PUDP: variants seen among roughly 807,000 people sequenced by gnomAD.
The protein encoded by PUDP is pseudouridine-5'-phosphatase.
PUDP carries 8 observed loss-of-function variants against 9.4 expected under a neutral mutation model. The observed-to-expected ratio is 0.85, with a 90% CI of 0.50 to 1.53. The LOEUF is 1.53. PUDP is among the 40% of genes most tolerant of loss of function. The pLI is 0.00. For missense variants in PUDP, 188 were observed against 189.7 expected, an observed-to-expected ratio of 0.99 and a Z score of 0.05; for synonymous variants, 99 against 80.7, an observed-to-expected ratio of 1.23 and a Z score of -1.22.
intron 1 of PUDP, among the ~76,000 whole-genome samples, chrX:6,990,938 T>C (rs972073908): frequency 2.7e-5 from 3 of 112,557 alleles, no homozygotes; most frequent in African/African-American, 9.7e-5. Context: ...AGATGGAAAG[T>C]GCCTACTGGC....
chrX:7,059,491 C>A (rs750657296), intron 3 of PUDP, among the ~76,000 whole-genome samples: 3 of 111,793 alleles, frequency 2.7e-5, no homozygotes, highest in Non-Finnish European at 5.6e-5. Context: ...ATTCATCTTA[C>A]GTAGCCTTCT....
chrX:6,759,564 C>T (rs1925206237), intron 3 of PUDP, among the ~76,000 whole-genome samples: 1 of 111,326 alleles, frequency 9.0e-6, no homozygotes, highest in Admixed American at 9.5e-5. Flanking sequence ...AGCACCTCTC[C>T]CCAAGTAGTG....
intron 1 of PUDP, among the ~76,000 whole-genome samples, chrX:7,117,535 C>A (rs1181596069): frequency 8.9e-6 from 1 of 112,732 alleles, no homozygotes; most frequent in African/African-American, 3.2e-5. Flanking sequence ...CTTCTTCTAA[C>A]AGACTACGCT....
intron 3 of PUDP, among the ~76,000 whole-genome samples, chrX:6,972,591 C>T (rs1928893495): frequency 8.9e-6 from 1 of 112,051 alleles, no homozygotes; most frequent in African/African-American, 3.2e-5. Context: ...TTTTGATGTG[C>T]TGCTGGATTC....
At position 7,130,505 on chromosome X, in the gene PUDP, A is replaced by G. The variant is rs767233431; in HGVS notation, c.61+17548T>C. Among the ~76,000 whole-genome samples the G allele has an allele frequency of 3.6e-5, 4 of 111,293 alleles. No individual in the cohort carries two copies. The East Asian group carries it at 1.1e-3, about 31-fold the overall frequency. Reference sequence around the variant, plus strand: ...GTATTCTCTCTGAGGAAGGGGACTTAGAAATAAGTTTAAAATGGCTTCCAG... The same window carrying G: ...GTATTCTCTCTGAGGAAGGGGACTTGGAAATAAGTTTAAAATGGCTTCCAG... On this transcript the variant is annotated intron_variant, in intron 1 of 3. Transcript: ENST00000381077.
At chrX:7,117,108 C>A (rs1171512643) in intron 1 of PUDP, 1 of 1,135,620 alleles carries the variant, frequency 8.8e-7, no homozygotes. Context: ...TAAGGCAATG[C>A]AAGCACGGCC....
At chrX:7,138,908 T>TCC (rs1555938964) in intron 1 of PUDP, among the ~76,000 whole-genome samples, 1 of 111,415 alleles carries the variant, frequency 9.0e-6, no homozygotes, top group East Asian at 2.9e-4. Context: ...AAGATCTTTT[T>TCC]TAATACAGTC....
At chrX:7,018,566 T>C (rs1929584329) in intron 1 of PUDP, among the ~76,000 whole-genome samples, 1 of 112,238 alleles carries the variant, frequency 8.9e-6, no homozygotes, top group Admixed American at 9.4e-5. Context: ...GATCAGGCCA[T>C]GTGTTTTTCA....
intron 3 of PUDP, among the ~76,000 whole-genome samples, chrX:6,887,770 G>A (rs780903163): frequency 5.4e-5 from 6 of 111,711 alleles, no homozygotes; most frequent in Non-Finnish European, 1.1e-4. Context: ...TCACTCCATG[G>A]CCAAGACTTC....
intron 3 of PUDP, among the ~76,000 whole-genome samples, chrX:6,840,757 C>A (rs1194739607): frequency 2.9e-5 from 3 of 104,242 alleles, no homozygotes; most frequent in Non-Finnish European, 3.9e-5. Flanking sequence ...CTCTGGGTGA[C>A]AATGATGTGT....
At chrX:7,076,728 CAAA>C (rs1033552892) in intron 3 of PUDP, among the ~76,000 whole-genome samples, 1 of 111,947 alleles carries the variant, frequency 8.9e-6, no homozygotes, top group Non-Finnish European at 1.9e-5. Flanking sequence ...GATGGAAGTC[CAAA>C]AACTTGGCGA....
chrX:6,799,932 C>A (rs185823967), intron 3 of PUDP, among the ~76,000 whole-genome samples: 4 of 112,193 alleles, frequency 3.6e-5, no homozygotes, highest in African/African-American at 1.3e-4. Flanking sequence ...TGGTAACTAA[C>A]CCAGTATAAA....
At position 7,038,046 on chromosome X, in the gene PUDP, C is replaced by G. The variant is rs780392150; in HGVS notation, c.204+39174G>C. Among the ~76,000 whole-genome samples the G allele has an allele frequency of 3.6e-5, 4 of 111,938 alleles. No individual in the cohort carries two copies. The South Asian group carries it at 1.5e-3, about 42-fold the overall frequency. ...TAGCCATCATTTTTTTTCTTTAATC[C>G]AAAACAATTAGATTGCTTATATAGA... On this transcript the variant is annotated intron_variant and NMD_transcript_variant, in intron 1 of 3. Transcript: ENST00000655425.
intron 3 of PUDP, among the ~76,000 whole-genome samples, chrX:6,914,407 G>C (rs1256679321): frequency 9.0e-6 from 1 of 111,372 alleles, no homozygotes; most frequent in Non-Finnish European, 1.9e-5. Flanking sequence ...GATTCGCCCT[G>C]GGAAGTGCTT....
chrX:6,989,867 G>A (rs1373527271), intron 1 of PUDP: 1 of 111,698 alleles, frequency 9.0e-6, no homozygotes, highest in Non-Finnish European at 1.9e-5. Flanking sequence ...GTTGACATAA[G>A]GTAGAGCACT....
At chrX:7,064,178 G>C (rs1363866953) in intron 3 of PUDP, among the ~76,000 whole-genome samples, 1 of 111,363 alleles carries the variant, frequency 9.0e-6, no homozygotes, top group Admixed American at 9.5e-5. Flanking sequence ...AGAACAGAAC[G>C]TGAACAGAAG....
chrX:6,980,009 C>A (rs930973323), intron 1 of PUDP, among the ~76,000 whole-genome samples: 2 of 110,438 alleles, frequency 1.8e-5, no homozygotes, highest in Non-Finnish European at 3.8e-5. Context: ...AGATTGCAAA[C>A]CCAGATCATG....
intron 3 of PUDP, among the ~76,000 whole-genome samples, chrX:6,770,186 G>A (rs112867763): frequency 8.9e-6 from 1 of 112,757 alleles, no homozygotes; most frequent in East Asian, 2.8e-4. Context: ...CTTGGAGCCG[G>A]AGGAGTTATT....
intron 3 of PUDP, among the ~76,000 whole-genome samples, chrX:7,051,170 G>A (rs1038211170): frequency 1.7e-4 from 19 of 111,197 alleles, no homozygotes; most frequent in African/African-American, 4.6e-4. Flanking sequence ...ACCAATGAGC[G>A]GATAAAGAAA....
Sources: gnomAD v4.1 joint callset for allele counts (sites outside exome capture counted in the v4.1 genomes callset) on GRCh38, gnomAD v4.1.1 for gene constraint, MANE v1.5 for transcripts, NCBI Gene and HGNC (gene_info 2026-07-23, HGNC 2026-07-21) for gene names.